The following ANGPT1 variants were observed in gnomAD, a reference collection of about 807,000 sequenced individuals.
ANGPT1 encodes angiopoietin 1.
ANGPT1 carries 17 observed loss-of-function variants against 62.2 expected under a neutral mutation model. The ratio of observed to expected loss-of-function variants is 0.27; its 90% CI spans 0.19 to 0.41. The LOEUF (loss-of-function observed/expected upper bound fraction) is 0.41. ANGPT1 is among the 10% of genes least tolerant of loss of function. The probability of loss-of-function intolerance (pLI) is 1.00; values close to 1 mark genes in which losing one functional copy is unlikely to be tolerated. For synonymous variants in ANGPT1, 199 were observed against 198.9 expected (o/e 1.00, Z 0.00); for missense variants, 478 against 594.9 (o/e 0.80, Z 2.04).
chr8:107,257,870 G>GTTTTTTTTTT lies in ANGPT1; in HGVS notation c.1337-5856_1337-5855insAAAAAAAAAA, dbSNP rs750634420. ...TATATCCTCTTCAGGCCAAGGACTT[G>GTTTTTTTTTT]TTTTTGTTTCTTTTTTGTTTGTTTG... On this transcript the variant is annotated intron_variant, in intron 8 of 8. Transcript: ENST00000517746. Among the ~76,000 whole-genome samples, 87 of 45,138 alleles carry GTTTTTTTTTT rather than the reference G, an allele frequency of 1.9e-3. 7 individuals are homozygous for GTTTTTTTTTT. Among genetic ancestry groups the GTTTTTTTTTT allele is most frequent in the Non-Finnish European group, 2.4e-3 (53 of 21,646 alleles). 29.6% of individuals were successfully genotyped at this position (45,138 alleles called of 152,430 possible). A position where few individuals can be genotyped will look rare whatever the true frequency, so the allele number is the denominator to read the frequency against.
At chr8:107,355,260 A>C (rs530609836) in intron 1 of ANGPT1, among the ~76,000 whole-genome samples, 128 of 151,742 alleles carry the variant, frequency 8.4e-4, no homozygotes, top group African/African-American at 2.8e-3. Flanking sequence ...CTCTCTCCCT[A>C]CCAATATCAC....
intron 8 of ANGPT1, among the ~76,000 whole-genome samples, chr8:107,252,717 TTGA>T (rs1313390127): frequency 1.1e-4 from 16 of 152,202 alleles, no homozygotes; most frequent in African/African-American, 3.1e-4. Context: ...GAAAAACAAC[TTGA>T]TGAGTAACAT....
chr8:107,454,664 A>G (rs963343554), intron 1 of ANGPT1, among the ~76,000 whole-genome samples: 5 of 152,028 alleles, frequency 3.3e-5, no homozygotes, highest in African/African-American at 1.2e-4. Flanking sequence ...TGCAAACCCT[A>G]AGTATTCATA....
chr8:107,341,868 G>A (rs1815703576), intron 2 of ANGPT1, among the ~76,000 whole-genome samples: 1 of 151,930 alleles, frequency 6.6e-6, no homozygotes. Flanking sequence ...CTGTAAATAA[G>A]CAGCTTCCCT....
intron 1 of ANGPT1, among the ~76,000 whole-genome samples, chr8:107,403,029 G>C (rs1175596127): frequency 6.6e-6 from 1 of 152,138 alleles, no homozygotes; most frequent in African/African-American, 2.4e-5. Context: ...GATTAAAGTG[G>C]ATCAACCAAT....
intron 1 of ANGPT1, among the ~76,000 whole-genome samples, chr8:107,379,501 T>C (rs1036358794): frequency 3.3e-5 from 5 of 151,948 alleles, no homozygotes; most frequent in Admixed American, 2.6e-4. Context: ...AAGCCTGATG[T>C]AGCAGTCCGC....
intron 1 of ANGPT1, among the ~76,000 whole-genome samples, chr8:107,417,163 A>G (rs139999642): frequency 6.6e-6 from 1 of 152,170 alleles, no homozygotes; most frequent in African/African-American, 2.4e-5. Flanking sequence ...TTCAGGAGAA[A>G]TAAAAAGGGA....
chr8:107,329,551 C>A (rs926200432), intron 3 of ANGPT1, among the ~76,000 whole-genome samples: 2 of 151,964 alleles, frequency 1.3e-5, no homozygotes, highest in Non-Finnish European at 2.9e-5. Flanking sequence ...GGTGTAAACA[C>A]GATCTCTATT....
chr8:107,304,312 A>G (rs2129984357), intron 4 of ANGPT1, among the ~76,000 whole-genome samples: 1 of 151,844 alleles, frequency 6.6e-6, no homozygotes, highest in African/African-American at 2.4e-5. Context: ...TATATGTGTT[A>G]TATTTATAAA....
chr8:107,267,760 T>C (rs1483213916), intron 7 of ANGPT1, among the ~76,000 whole-genome samples: 1 of 152,086 alleles, frequency 6.6e-6, no homozygotes, highest in Non-Finnish European at 1.5e-5. Flanking sequence ...TCTAGTCCTT[T>C]ACTGTCTACT....
intron 4 of ANGPT1, 99 bp from the exon 5 acceptor site, chr8:107,303,466 C>G: frequency 9.8e-7 from 1 of 1,023,014 alleles, no homozygotes; most frequent in Non-Finnish European, 1.4e-6. Context: ...ATTTCCTCCA[C>G]ACAAATGTCA....
intron 3 of ANGPT1, among the ~76,000 whole-genome samples, chr8:107,324,201 A>G (rs1586224108): frequency 1.0e-5 from 1 of 98,448 alleles, no homozygotes. Flanking sequence ...ATATGTATAT[A>G]TATGTATATA....
At chr8:107,353,081 T>C (rs1156639832) in intron 1 of ANGPT1, among the ~76,000 whole-genome samples, 2 of 152,190 alleles carry the variant, frequency 1.3e-5, no homozygotes. Context: ...TTTTAGACAA[T>C]AGATCTATTT....
chr8:107,258,756 TAA>T (rs1384076760), intron 8 of ANGPT1, among the ~76,000 whole-genome samples: 1 of 152,188 alleles, frequency 6.6e-6, no homozygotes, highest in Non-Finnish European at 1.5e-5. Context: ...TGGTTATTCT[TAA>T]GTTAGTTTCA....
chr8:107,470,592 T>A (rs1300821496), intron 1 of ANGPT1, among the ~76,000 whole-genome samples: 1 of 152,170 alleles, frequency 6.6e-6, no homozygotes, highest in Non-Finnish European at 1.5e-5. Flanking sequence ...GCCTGTTCAC[T>A]CTGATGATAA....
intron 1 of ANGPT1, among the ~76,000 whole-genome samples, chr8:107,389,234 G>C (rs1054831372): frequency 6.6e-6 from 1 of 152,136 alleles, no homozygotes; most frequent in African/African-American, 2.4e-5. Flanking sequence ...TAAAAAATGA[G>C]GACAACATGT....
At chr8:107,383,507 T>A (rs1816677849) in intron 1 of ANGPT1, among the ~76,000 whole-genome samples, 1 of 152,174 alleles carries the variant, frequency 6.6e-6, no homozygotes, top group African/African-American at 2.4e-5. Context: ...TGGCAGCAAG[T>A]CATACTTCAA....
At chr8:107,373,988 CT>C (rs1816472050) in intron 1 of ANGPT1, among the ~76,000 whole-genome samples, 1 of 152,188 alleles carries the variant, frequency 6.6e-6, no homozygotes, top group Non-Finnish European at 1.5e-5. Context: ...GTTTGGTTCC[CT>C]TTCCAAAGAA....
chr8:107,330,320 C>A (rs1815391183), intron 3 of ANGPT1, among the ~76,000 whole-genome samples: 1 of 152,054 alleles, frequency 6.6e-6, no homozygotes, highest in Admixed American at 6.6e-5. Flanking sequence ...CAAAGTCACA[C>A]AAATAATATG....
Sources: allele counts gnomAD v4.1 joint callset (sites outside exome capture counted in the v4.1 genomes callset), GRCh38; gene constraint gnomAD v4.1.1; transcripts MANE v1.5; gene names NCBI Gene and HGNC (gene_info 2026-07-23, HGNC 2026-07-21).